The following TNS1 variants were observed in gnomAD, a reference collection of about 807,000 sequenced individuals.
TNS1 encodes tensin-1.
Under a neutral mutation model 168.6 loss-of-function variants are expected in TNS1, and 62 were observed. The observed-to-expected ratio is 0.37, with a 90% confidence interval of 0.30 to 0.45. The LOEUF is 0.45. Among genes scored for constraint, TNS1 ranks in the 20% least tolerant of loss-of-function variants. The pLI is 1.00. For missense variants in TNS1, 2,240 were observed against 2,339.4 expected, an observed-to-expected ratio of 0.96 and a Z score of 0.88; for synonymous variants, 934 against 933.2, an observed-to-expected ratio of 1.00 and a Z score of -0.02.
At chr2:217,923,856 A>G (rs1052064435) in intron 3 of TNS1, among the ~76,000 whole-genome samples, 1 of 152,186 alleles carries the variant, frequency 6.6e-6, no homozygotes, top group Admixed American at 6.5e-5. Context: ...GAAGGTGAGC[A>G]TGGTAGCCTC....
intron 3 of TNS1, among the ~76,000 whole-genome samples, chr2:217,935,458 T>A (rs1166072010): frequency 6.6e-6 from 1 of 152,104 alleles, no homozygotes; most frequent in Non-Finnish European, 1.5e-5. Flanking sequence ...TCACCCTGGC[T>A]CGCCTCTGCT....
At chr2:218,002,443 C>T (rs1462430316) in intron 1 of TNS1, among the ~76,000 whole-genome samples, 2 of 152,210 alleles carry the variant, frequency 1.3e-5, no homozygotes, top group African/African-American at 2.4e-5. Context: ...ACTGCCTCCT[C>T]CTCAAGATCT....
At chr2:217,964,020 C>G (rs1957564119) in intron 3 of TNS1, among the ~76,000 whole-genome samples, 1 of 152,092 alleles carries the variant, frequency 6.6e-6, no homozygotes, top group African/African-American at 2.4e-5. Context: ...CAACGTAAGA[C>G]AGCTACTGAG....
chr2:217,823,137 C>G (rs1203192971), intron 22 of TNS1, among the ~76,000 whole-genome samples: 3 of 152,088 alleles, frequency 2.0e-5, no homozygotes, highest in Non-Finnish European at 2.9e-5. Context: ...CAGGTCTCCT[C>G]CAGAAGACAA....
In TNS1 at chr2:217,836,218, G is replaced by C; in HGVS notation, c.3008-7C>G. On this transcript the variant is annotated splice_polypyrimidine_tract_variant and splice_region_variant and intron_variant, in intron 19 of 32. Transcript: ENST00000682258. ...TTCTCCCGAGCCTGTACCCCTGGGA[G>C]GAAAGCAGGGTGTAGAGGACAATGA... The C allele has an allele frequency of 6.2e-7, 1 of 1,605,622 alleles. No homozygotes were observed.
intron 18 of TNS1, among the ~76,000 whole-genome samples, chr2:217,852,457 G>A (rs1225749804): frequency 6.6e-6 from 1 of 152,202 alleles, no homozygotes; most frequent in East Asian, 1.9e-4. Context: ...GAGAAGTGGG[G>A]AGCTGCAAAG....
chr2:217,993,662 C>T (rs568496301), intron 1 of TNS1, among the ~76,000 whole-genome samples: 101 of 152,348 alleles, frequency 6.6e-4, no homozygotes, highest in African/African-American at 2.2e-3. Flanking sequence ...CCGAAAGTAA[C>T]GGCGGCTTCT....
chr2:217,816,231 T>C (rs1483145161), intron 24 of TNS1, among the ~76,000 whole-genome samples: 1 of 152,132 alleles, frequency 6.6e-6, no homozygotes, highest in Non-Finnish European at 1.5e-5. Flanking sequence ...ACTCTCAACC[T>C]CTTCCTTCAG....
At chr2:217,839,176 T>G (rs577152451) in intron 19 of TNS1, among the ~76,000 whole-genome samples, 1 of 152,034 alleles carries the variant, frequency 6.6e-6, no homozygotes, top group Non-Finnish European at 1.5e-5. Context: ...GGCCAGCCCC[T>G]ACCCCAGCAG....
At chr2:217,921,671 G>A (rs1470510584) in intron 3 of TNS1, among the ~76,000 whole-genome samples, 1 of 152,186 alleles carries the variant, frequency 6.6e-6, no homozygotes, top group Non-Finnish European at 1.5e-5. Flanking sequence ...CCCAAATGGA[G>A]TCCTAGCATT....
At chr2:217,884,712 A>C (rs934986995) in intron 16 of TNS1, among the ~76,000 whole-genome samples, 5 of 152,148 alleles carry the variant, frequency 3.3e-5, no homozygotes, top group Non-Finnish European at 7.3e-5. Context: ...TGAAAAAAAA[A>C]ATGATTGTCA....
intron 3 of TNS1, among the ~76,000 whole-genome samples, chr2:217,971,276 G>A (rs1307488126): frequency 2.0e-5 from 3 of 152,156 alleles, no homozygotes; most frequent in Admixed American, 6.5e-5. Context: ...AATCTGCTCT[G>A]TCACTAGCGA....
chr2:218,012,294 G>A (rs1958713490), upstream of TNS1, among the ~76,000 whole-genome samples: 1 of 152,202 alleles, frequency 6.6e-6, no homozygotes, highest in Admixed American at 6.5e-5. Flanking sequence ...GCTAAAGTGT[G>A]GCCCTGCCTA....
intron 32 of TNS1, among the ~76,000 whole-genome samples, chr2:217,806,619 C>T (rs553860801): frequency 6.6e-6 from 1 of 152,254 alleles, no homozygotes; most frequent in South Asian, 2.1e-4. Context: ...CCAGCAGAGA[C>T]ACGGGAAATG....
chr2:217,882,492 T>C (rs1950777588), intron 16 of TNS1, 81 bp from the exon 17 acceptor site: 6 of 806,428 alleles, frequency 7.4e-6, no homozygotes, highest in African/African-American at 1.7e-5. Context: ...TAGAAAAAAT[T>C]AAAATACCAT....
intron 22 of TNS1, among the ~76,000 whole-genome samples, chr2:217,825,417 C>T (rs1943470947): frequency 6.6e-6 from 1 of 152,152 alleles, no homozygotes; most frequent in Admixed American, 6.5e-5. Flanking sequence ...ATAGGGAGCA[C>T]TCGGGGTGCT....
At chr2:217,905,686 G>A (rs1429843749) in intron 6 of TNS1, among the ~76,000 whole-genome samples, 4 of 152,202 alleles carry the variant, frequency 2.6e-5, no homozygotes, top group African/African-American at 9.6e-5. Flanking sequence ...AAGCCCCACT[G>A]TGCTGGGAGT....
intron 3 of TNS1, among the ~76,000 whole-genome samples, chr2:217,975,734 C>A (rs947061294): frequency 6.6e-6 from 1 of 152,218 alleles, no homozygotes; most frequent in Non-Finnish European, 1.5e-5. Context: ...TGCTCTCACA[C>A]CCAAAATCCG....
chr2:217,874,717 C>A (rs1325601050), intron 18 of TNS1, among the ~76,000 whole-genome samples: 2 of 152,212 alleles, frequency 1.3e-5, no homozygotes, highest in African/African-American at 4.8e-5. Flanking sequence ...ATAACAGACA[C>A]AAATCACTGC....
Sources: allele counts gnomAD v4.1 joint callset (sites outside exome capture counted in the v4.1 genomes callset), GRCh38; gene constraint gnomAD v4.1.1; transcripts MANE v1.5; gene names NCBI Gene and HGNC (gene_info 2026-07-23, HGNC 2026-07-21).